Variants in WDR59 observed in about 807,000 individuals in gnomAD.
The protein encoded by WDR59 is GATOR2 complex protein WDR59.
Under a neutral mutation model 131.2 loss-of-function variants are expected in WDR59, and 100 were observed. That is an observed-to-expected ratio of 0.76 (90% CI 0.65 to 0.90). The LOEUF (loss-of-function observed/expected upper bound fraction) is 0.90. WDR59 is among the 40% of genes least tolerant of loss of function. The pLI is 0.00. For synonymous variants in WDR59, 601 were observed against 466.2 expected (o/e 1.29, Z -3.72); for missense variants, 1,203 against 1,262.2 (o/e 0.95, Z 0.71).
intron 1 of WDR59, among the ~76,000 whole-genome samples, chr16:74,975,537 G>A (rs943219801): frequency 8.6e-5 from 13 of 151,276 alleles, no homozygotes; most frequent in African/African-American, 1.7e-4. Flanking sequence ...GATGGCAGGC[G>A]CCTGTAATCC....
Position 74,904,417 on chromosome 16 carries a change from T to A in WDR59, c.1713-317A>T, listed in dbSNP as rs918547051. ...AACAAATATTTGGAAAATAAATATT[T>A]TAAAAGCTCATTTATAGTAGCATTA... On this transcript the variant is annotated intron_variant, in intron 17 of 25. Transcript: ENST00000262144. The A allele has an allele frequency of 2.5e-5, 6 of 242,734 alleles. No homozygotes were observed. In the South Asian group the frequency reaches 3.2e-4, roughly 13 times the overall value. The allele number at this position is 242,734 out of a possible 1,614,324, so 15.0% of individuals were successfully genotyped here. A position where few individuals can be genotyped will look rare whatever the true frequency, so the allele number is the denominator to read the frequency against.
intron 11 of WDR59, 31 bp from the exon 12 acceptor site, chr16:74,916,290 G>A: frequency 6.2e-7 from 1 of 1,612,516 alleles, no homozygotes; most frequent in Non-Finnish European, 8.5e-7. Context: ...TGTAGTTCTA[G>A]AGAAGTCCGT....
intron 1 of WDR59, among the ~76,000 whole-genome samples, chr16:74,983,615 G>A (rs113400434): frequency 0.024 from 3,715 of 152,184 alleles, 69 homozygotes; most frequent in Non-Finnish European, 0.036. Flanking sequence ...AGGGCTCTGG[G>A]GTAGGATCCA....
intron 18 of WDR59, among the ~76,000 whole-genome samples, chr16:74,898,250 C>T (rs1350193000): frequency 2.0e-5 from 3 of 152,144 alleles, no homozygotes; most frequent in Non-Finnish European, 2.9e-5. Flanking sequence ...TGGGGAAGGG[C>T]GCCATGGTCT....
chr16:74,893,317 AGAT>A (rs1965131093), intron 19 of WDR59, among the ~76,000 whole-genome samples: 2 of 152,206 alleles, frequency 1.3e-5, no homozygotes, highest in South Asian at 2.1e-4. Context: ...CGAAATTTAC[AGAT>A]GAGTTCTACA....
chr16:74,927,681 AAAACACAC>A (rs1292894428), intron 8 of WDR59, among the ~76,000 whole-genome samples: 168 of 17,604 alleles, frequency 9.5e-3, no homozygotes, highest in Middle Eastern at 0.05. Context: ...TGCTCTTTAA[AAAACACAC>A]ACACACACAC....
rs1480489383 is a variant in WDR59 at position 74,979,799 on chromosome 16, A to G, written c.54+5165T>C. 2.1e-5 allele frequency among the ~76,000 whole-genome samples: 3 copies of G among 143,878 alleles called. No individual in the cohort carries two copies. In the Admixed American group the frequency reaches 2.1e-4, roughly 10 times the overall value. The allele number at this position is 143,878 out of a possible 152,430, so 94.4% of individuals were successfully genotyped here. On this transcript the variant is annotated intron_variant, in intron 1 of 25. Coordinates refer to ENST00000262144, the MANE Select transcript of WDR59 (RefSeq NM_030581.4). ...CAAGATCCGCCTGCCTCAGCCTCCCAAAGTGCTGGGATTACAGGTGTGAGT... is the reference window on the plus strand; with the variant it reads ...CAAGATCCGCCTGCCTCAGCCTCCCGAAGTGCTGGGATTACAGGTGTGAGT...
Position 74,892,533 on chromosome 16 carries a change from T to C in WDR59, c.2033A>G (p.Gln678Arg), listed in dbSNP as rs757472480. 3 of 1,613,906 alleles carry C rather than the reference T, an allele frequency of 1.9e-6. No homozygotes were observed. The highest frequency in any genetic ancestry group is 2.5e-6 in the Non-Finnish European group (3 of 1,179,962). ...GAGCAAGGCAGAGGCGGCATTCTTC[T>C]GACATGTTTCCTGAATATCATTCAC... ...LNVNDIQETCQKNAASALLVG... is the reference protein window; with the variant it reads ...LNVNDIQETCRKNAASALLVG... Residue 678 changes from glutamine (Q) to arginine (R), a missense_variant, in exon 20 of 26, where the codon CAG (glutamine) becomes CGG (arginine). By Grantham distance (43) the Gln-to-Arg change is conservative. Coordinates refer to ENST00000262144, the MANE Select transcript of WDR59 (RefSeq NM_030581.4).
intron 3 of WDR59, among the ~76,000 whole-genome samples, chr16:74,953,750 C>T (rs1316813884): frequency 6.6e-6 from 1 of 151,596 alleles, no homozygotes; most frequent in African/African-American, 2.4e-5. Context: ...GCCTGTAATC[C>T]CAGCACTTTG....
At chr16:74,879,760 GA>G (rs761544416) in intron 25 of WDR59, among the ~76,000 whole-genome samples, 13 of 152,074 alleles carry the variant, frequency 8.5e-5, no homozygotes, top group Non-Finnish European at 1.9e-4. Flanking sequence ...AAATCACCAG[GA>G]AAACCTTAGA....
In WDR59 at chr16:74,909,555, GGTACGACCC is replaced by G. The variant is rs760402842; in HGVS notation, c.1579_1587del (p.Gly527_Tyr529del). 1.2e-6 allele frequency: 2 copies of G among 1,610,056 alleles called. No individual in the cohort carries two copies. The highest frequency in any genetic ancestry group is 2.2e-5 in the South Asian group (2 of 90,524). ...CTAGGAAAGGGAATGTTGGCGTCCTGGTACGACCCGTAAGCCGTGGTCACCCGCGCAAAC... is the reference window on the plus strand; with the variant it reads ...CTAGGAAAGGGAATGTTGGCGTCCTGGTAAGCCGTGGTCACCCGCGCAAAC... On this transcript the variant is annotated inframe_deletion, in exon 16 of 26. Transcript: ENST00000262144.
chr16:74,949,634 A>T (rs982738083), intron 5 of WDR59, 84 bp downstream of exon 5: 4 of 1,263,924 alleles, frequency 3.2e-6, no homozygotes, highest in Admixed American at 2.0e-5. Context: ...TATCGAGGGG[A>T]AACCAAACTA....
intron 11 of WDR59, among the ~76,000 whole-genome samples, chr16:74,917,208 G>A (rs552930264): frequency 3.3e-5 from 5 of 152,184 alleles, no homozygotes; most frequent in African/African-American, 1.2e-4. Flanking sequence ...GTAAGAAACA[G>A]ATATCATTTA....
intron 1 of WDR59, among the ~76,000 whole-genome samples, chr16:74,977,775 G>GA (rs1471745999): frequency 1.3e-5 from 2 of 152,108 alleles, no homozygotes; most frequent in Non-Finnish European, 1.5e-5. Flanking sequence ...CTAAAAACTG[G>GA]AAAAAAACTA....
At chr16:74,883,353 C>A (rs970276687) in intron 25 of WDR59, among the ~76,000 whole-genome samples, 1 of 152,032 alleles carries the variant, frequency 6.6e-6, no homozygotes, top group African/African-American at 2.4e-5. Context: ...ACTGTCAAAG[C>A]CACGTCCAGA....
intron 2 of WDR59, among the ~76,000 whole-genome samples, chr16:74,962,129 A>G (rs987409435): frequency 7.9e-5 from 12 of 152,036 alleles, no homozygotes; most frequent in Non-Finnish European, 1.8e-4. Flanking sequence ...TGATATCTCT[A>G]TTCTATTCCA....
At position 74,965,835 on chromosome 16, in the gene WDR59, A is replaced by G; in HGVS notation, c.55-13T>C. 2 of 1,614,090 alleles carry G rather than the reference A, an allele frequency of 1.2e-6. No homozygotes were observed. The highest frequency in any genetic ancestry group is 1.7e-6 in the Non-Finnish European group (2 of 1,180,004). On this transcript the variant is annotated splice_polypyrimidine_tract_variant and intron_variant, in intron 1 of 25. Coordinates refer to ENST00000262144, the MANE Select transcript of WDR59 (RefSeq NM_030581.4). Reference sequence around the variant, plus strand: ...ACATCGCAGTTGCCTGAGAGAGAGAACACAGAGTCAGTGCTGCCAGCAAAC... The same window carrying G: ...ACATCGCAGTTGCCTGAGAGAGAGAGCACAGAGTCAGTGCTGCCAGCAAAC...
At chr16:74,892,969 T>G (rs1293111388) in intron 19 of WDR59, among the ~76,000 whole-genome samples, 1 of 152,230 alleles carries the variant, frequency 6.6e-6, no homozygotes, top group African/African-American at 2.4e-5. Context: ...GGAAACACTT[T>G]CTGTTATGAG....
chr16:74,912,595 G>A (rs1051166597), intron 13 of WDR59, among the ~76,000 whole-genome samples: 1 of 152,146 alleles, frequency 6.6e-6, no homozygotes, highest in African/African-American at 2.4e-5. Context: ...AGACCAGCTC[G>A]GTCGGGGTGA....
Sources: allele counts gnomAD v4.1 joint callset (sites outside exome capture counted in the v4.1 genomes callset), GRCh38; gene constraint gnomAD v4.1.1; transcripts MANE v1.5; gene names NCBI Gene and HGNC (gene_info 2026-07-23, HGNC 2026-07-21).